POLA2: variants seen among roughly 807,000 people sequenced by gnomAD.
POLA2 encodes DNA polymerase alpha 2, accessory subunit.
Under a neutral mutation model 82.8 loss-of-function variants are expected in POLA2, and 47 were observed. That is an observed-to-expected ratio of 0.57 (90% CI 0.45 to 0.72). The LOEUF (loss-of-function observed/expected upper bound fraction) is 0.72. Ranked by LOEUF, POLA2 falls within the 30% of genes least tolerant of loss-of-function variation. POLA2 has a pLI of 0.00. For synonymous variants in POLA2, 287 were observed against 286.8 expected, an observed-to-expected ratio of 1.00 and a Z score of -0.01; for missense variants, 634 against 728.1, an observed-to-expected ratio of 0.87 and a Z score of 1.49.
intron 14 of POLA2, 45 bp downstream of exon 14, chr11:65,294,306 ATGCCTC>A (rs1949786972): frequency 3.4e-6 from 5 of 1,467,052 alleles, no homozygotes; most frequent in Non-Finnish European, 4.8e-6. Flanking sequence ...AGAATCCAGC[ATGCCTC>A]TGCCACTAGC....
chr11:65,293,784 G>A (rs1949780305), intron 13 of POLA2, among the ~76,000 whole-genome samples: 1 of 152,026 alleles, frequency 6.6e-6, no homozygotes, highest in Non-Finnish European at 1.5e-5. Context: ...TTAAACTCTG[G>A]CTCTGAGGCT....
chr11:65,297,121 A>T lies in POLA2; in HGVS notation c.1649A>T (p.Asp550Val). The T allele has an allele frequency of 1.2e-6, 2 of 1,613,446 alleles. No homozygotes were observed. Residue 550 changes from aspartate to valine, a missense_variant and splice_region_variant, in exon 18 of 18, where the codon GAT becomes GTT. Coordinates refer to ENST00000265465, the MANE Select transcript of POLA2 (RefSeq NM_002689.4). The part of the protein sequence containing the change: ...IPSELRYFVK[D>V]VLGCVCVNPG... ...TGTCACCTCTCCTCTCCTCCCCAGGATGTCCTCGGCTGTGTCTGTGTGAAC... is the reference window on the plus strand; with the variant it reads ...TGTCACCTCTCCTCTCCTCCCCAGGTTGTCCTCGGCTGTGTCTGTGTGAAC...
At chr11:65,266,843 CTA>C in intron 2 of POLA2, 137 bp downstream of exon 2, 1 of 772,052 alleles carries the variant, frequency 1.3e-6, no homozygotes, top group Admixed American at 2.5e-5. Context: ...CTTGGACAAA[CTA>C]TGTCCCTGAG....
At chr11:65,301,152 A>AAAGAG (rs1279514779), downstream of POLA2, among the ~76,000 whole-genome samples, 1 of 152,118 alleles carries the variant, frequency 6.6e-6, no homozygotes, top group Non-Finnish European at 1.5e-5. Flanking sequence ...AGACAAGGCA[A>AAAGAG]AGAGAGGGAG....
chr11:65,279,234 G>A (rs1949614537), intron 6 of POLA2, among the ~76,000 whole-genome samples: 1 of 152,148 alleles, frequency 6.6e-6, no homozygotes, highest in African/African-American at 2.4e-5. Context: ...GGTTGGCCTT[G>A]ACTTGCCTAA....
chr11:65,273,047 C>T (rs1439977218), intron 4 of POLA2, among the ~76,000 whole-genome samples: 4 of 150,654 alleles, frequency 2.7e-5, no homozygotes, highest in African/African-American at 9.8e-5. Flanking sequence ...TAGCCAGGCG[C>T]AGTGGCTTAT....
chr11:65,282,631 G>GA, intron 10 of POLA2, 110 bp downstream of exon 10: 1 of 929,670 alleles, frequency 1.1e-6, no homozygotes. Flanking sequence ...GAAGAGCAAT[G>GA]TGACCAAGCA....
rs1283495937 is a variant in POLA2, at chr11:65,281,063, C to T, written c.816C>T (p.Leu272=). 6 of 1,614,082 alleles carry T rather than the reference C, an allele frequency of 3.7e-6. No individual in the cohort carries two copies. The highest frequency in any genetic ancestry group is 1.7e-5 in the Admixed American group (1 of 60,014). Reference sequence around the variant, plus strand: ...AGCTGAACAACAAGTCAGTGATTCTCGAGGGAGACCGGGAACATTCCTCGG... The same window carrying T: ...AGCTGAACAACAAGTCAGTGATTCTTGAGGGAGACCGGGAACATTCCTCGG... ...NGKLNNKSVI[L]EGDREHSSGA... is the part of the protein sequence containing the mutation. Residue 272 remains leucine (L), a synonymous_variant, in exon 8 of 18, where the codon CTC becomes CTT. Coordinates refer to ENST00000265465, the MANE Select transcript of POLA2 (RefSeq NM_002689.4).
chr11:65,299,002 G>A (rs1030100546), downstream of POLA2, among the ~76,000 whole-genome samples: 2 of 152,242 alleles, frequency 1.3e-5, no homozygotes, highest in Non-Finnish European at 2.9e-5. Flanking sequence ...AGACAGGTCT[G>A]GCAGGCGTGC....
chr11:65,287,476 C>T (rs1949708927), intron 10 of POLA2: 4 of 359,028 alleles, frequency 1.1e-5, no homozygotes, highest in Non-Finnish European at 2.0e-5. Context: ...ATGTGCACAG[C>T]TCATAAAGTT....
intron 4 of POLA2, among the ~76,000 whole-genome samples, chr11:65,275,652 A>G (rs918065701): frequency 4.6e-5 from 7 of 152,164 alleles, no homozygotes; most frequent in Non-Finnish European, 7.4e-5. Flanking sequence ...CTTTTTGGAA[A>G]ATGTTTGCTT....
chr11:65,286,248 A>G (rs966503741), intron 10 of POLA2, among the ~76,000 whole-genome samples: 4 of 152,190 alleles, frequency 2.6e-5, no homozygotes, highest in African/African-American at 7.2e-5. Flanking sequence ...AGGTGGGGCC[A>G]TGAACCAGGG....
chr11:65,296,140 T>TG, intron 17 of POLA2, 150 bp downstream of exon 17: 1 of 787,942 alleles, frequency 1.3e-6, no homozygotes, highest in Non-Finnish European at 2.1e-6. Context: ...TTTGGGGAGG[T>TG]GGTGGGACCA....
chr11:65,272,139 A>G (rs1949528194), intron 4 of POLA2, among the ~76,000 whole-genome samples: 1 of 152,032 alleles, frequency 6.6e-6, no homozygotes, highest in South Asian at 2.1e-4. Context: ...GTGAAACCCC[A>G]TCGCTACAAA....
chr11:65,262,170 C>CA lies in POLA2; in HGVS notation c.-122dup, dbSNP rs1390234099. Reference sequence around the variant, plus strand: ...CTTGCTTGGGCCAGTCACCTCCTGTCACGGTCCGCGGAGGGGGGAAGGATA... The same window carrying CA: ...CTTGCTTGGGCCAGTCACCTCCTGTCAACGGTCCGCGGAGGGGGGAAGGATA... On this transcript the variant is annotated 5_prime_UTR_variant, in exon 1 of 18. Coordinates refer to ENST00000265465, the MANE Select transcript of POLA2 (RefSeq NM_002689.4). 1.5e-5 allele frequency: 11 copies of CA among 728,410 alleles called. No homozygotes were observed. Among genetic ancestry groups the CA allele is most frequent in the Non-Finnish European group, 2.6e-5 (11 of 418,200 alleles). The allele number at this position is 728,410 out of a possible 1,614,324, so 45.1% of individuals were successfully genotyped here.
chr11:65,280,899 T>G, intron 7 of POLA2, 93 bp from the exon 8 acceptor site: 1 of 1,220,150 alleles, frequency 8.2e-7, no homozygotes, highest in Non-Finnish European at 1.2e-6. Context: ...ATTTGTTGTT[T>G]GCAGTTTGTT....
intron 13 of POLA2, 27 bp from the exon 14 acceptor site, chr11:65,294,126 C>G: frequency 7.5e-6 from 12 of 1,592,352 alleles, no homozygotes; most frequent in Non-Finnish European, 1.0e-5. Context: ...TTTTCTCACT[C>G]TTCTGTTTGT....
chr11:65,266,358 T>G (rs533797446), intron 1 of POLA2: 62 of 513,256 alleles, frequency 1.2e-4, no homozygotes, highest in African/African-American at 5.7e-4. Context: ...CCATGATTCT[T>G]TAATTGGTCC....
intron 10 of POLA2, among the ~76,000 whole-genome samples, chr11:65,286,714 T>TA (rs1474424532): frequency 2.0e-5 from 3 of 152,188 alleles, no homozygotes; most frequent in African/African-American, 4.8e-5. Context: ...TTTAAGGCAC[T>TA]AAGTTTGTGA....
Sources: gnomAD v4.1 joint callset for allele counts (sites outside exome capture counted in the v4.1 genomes callset) on GRCh38, gnomAD v4.1.1 for gene constraint, MANE v1.5 for transcripts, NCBI Gene and HGNC (gene_info 2026-07-23, HGNC 2026-07-21) for gene names.